The following CTNNA3 variants were observed in gnomAD, a reference collection of about 807,000 sequenced individuals.
The protein encoded by CTNNA3 is catenin alpha-3.
A neutral mutation model predicts 95.7 loss-of-function variants in CTNNA3; 76 were observed. The ratio of observed to expected loss-of-function variants is 0.79; its 90% confidence interval spans 0.66 to 0.96. The LOEUF (loss-of-function observed/expected upper bound fraction) is 0.96. Among genes scored for constraint, CTNNA3 ranks in the 40% least tolerant of loss-of-function variants. CTNNA3 has a pLI of 0.00. For missense variants in CTNNA3, 1,191 were observed against 1,089.8 expected (o/e 1.09, Z -1.31); for synonymous variants, 431 against 374.4 (o/e 1.15, Z -1.74).
At chr10:67,234,238 G>A (rs1865352747) in intron 5 of CTNNA3, among the ~76,000 whole-genome samples, 1 of 152,192 alleles carries the variant, frequency 6.6e-6, no homozygotes, top group South Asian at 2.1e-4. Context: ...CAATATCCTT[G>A]ATGAACATTG....
At chr10:65,948,081 T>G (rs2077547522) in intron 17 of CTNNA3, among the ~76,000 whole-genome samples, 1 of 152,044 alleles carries the variant, frequency 6.6e-6, no homozygotes, top group African/African-American at 2.4e-5. Flanking sequence ...ATCGAGATCA[T>G]CCTGGCTAAC....
In CTNNA3 at chr10:66,562,499, G is replaced by C. The variant is rs573174446; in HGVS notation, c.1375-41726C>G. On this transcript the variant is annotated intron_variant, in intron 10 of 17. Coordinates refer to ENST00000433211, the MANE Select transcript of CTNNA3 (RefSeq NM_013266.4). ...TCCTCCTCTATCCTTTACTCTTTGA[G>C]AGCCTATAATACAATCATGTGAGGA... Among the ~76,000 whole-genome samples, 187 of 152,064 alleles carry C rather than the reference G, an allele frequency of 1.2e-3. 1 individual carries two copies. Among genetic ancestry groups the C allele is most frequent in the African/African-American group, 4.2e-3 (176 of 41,508 alleles).
At chr10:67,277,760 A>G (rs1839240585) in intron 5 of CTNNA3, among the ~76,000 whole-genome samples, 1 of 152,168 alleles carries the variant, frequency 6.6e-6, no homozygotes, top group Non-Finnish European at 1.5e-5. Flanking sequence ...ATAATGCATT[A>G]GCATGCTAAA....
At chr10:67,464,091 A>G (rs142424179) in intron 5 of CTNNA3, among the ~76,000 whole-genome samples, 60 of 152,278 alleles carry the variant, frequency 3.9e-4, no homozygotes, top group African/African-American at 1.4e-3. Flanking sequence ...CCTAAAACAA[A>G]ACATTGAAAC....
intron 13 of CTNNA3, among the ~76,000 whole-genome samples, chr10:66,114,346 G>A (rs909060365): frequency 3.4e-4 from 51 of 151,602 alleles, no homozygotes; most frequent in Admixed American, 3.0e-3. Flanking sequence ...ATTGTTAACT[G>A]AATATCTGTA....
chr10:66,297,947 A>C (rs2091805577), intron 12 of CTNNA3, among the ~76,000 whole-genome samples: 1 of 152,184 alleles, frequency 6.6e-6, no homozygotes, highest in Admixed American at 6.5e-5. Context: ...TGGCTTTCAG[A>C]ATTTAGGCAG....
At chr10:66,153,227 T>C (rs987552408) in intron 13 of CTNNA3, among the ~76,000 whole-genome samples, 1 of 151,984 alleles carries the variant, frequency 6.6e-6, no homozygotes, top group African/African-American at 2.4e-5. Context: ...ATTAAGTTTA[T>C]TTTATTAAGC....
chr10:67,297,855 C>G (rs1408671894), intron 5 of CTNNA3, among the ~76,000 whole-genome samples: 1 of 152,168 alleles, frequency 6.6e-6, no homozygotes, highest in Non-Finnish European at 1.5e-5. Flanking sequence ...CAGAAGCAAG[C>G]CAGAAAAACT....
chr10:66,435,606 T>C (rs796822247), intron 11 of CTNNA3, among the ~76,000 whole-genome samples: 4 of 152,296 alleles, frequency 2.6e-5, no homozygotes, highest in African/African-American at 9.6e-5. Flanking sequence ...TCTATCTGTT[T>C]TGTTGATGTT....
At chr10:66,282,031 T>C (rs1013298101) in intron 12 of CTNNA3, among the ~76,000 whole-genome samples, 3 of 151,870 alleles carry the variant, frequency 2.0e-5, no homozygotes, top group African/African-American at 7.2e-5. Flanking sequence ...CTCATCCCAT[T>C]TCAACTGCTT....
intron 11 of CTNNA3, among the ~76,000 whole-genome samples, chr10:66,397,867 A>T (rs144967552): frequency 2.7e-4 from 41 of 151,842 alleles, no homozygotes; most frequent in African/African-American, 9.4e-4. Context: ...TATGAAAATA[A>T]TTTTTTAAAA....
intron 7 of CTNNA3, among the ~76,000 whole-genome samples, chr10:67,043,698 A>G (rs1173735014): frequency 6.6e-6 from 1 of 152,118 alleles, no homozygotes; most frequent in African/African-American, 2.4e-5. Flanking sequence ...TGCTCCTAAA[A>G]AGGAATCATC....
chr10:66,659,517 T>C (rs1846184418), intron 9 of CTNNA3, among the ~76,000 whole-genome samples: 1 of 152,188 alleles, frequency 6.6e-6, no homozygotes, highest in Non-Finnish European at 1.5e-5. Flanking sequence ...ACAAGGAATA[T>C]TTAAATGCCG....
At chr10:67,527,066 G>A (rs7069377) in intron 4 of CTNNA3, among the ~76,000 whole-genome samples, 8,764 of 152,190 alleles carry the variant, frequency 0.058, 272 homozygotes, top group South Asian at 0.13. Context: ...AGACCAGCCT[G>A]GCCAACATGG....
chr10:67,501,446 G>C (rs2133103989), intron 5 of CTNNA3, among the ~76,000 whole-genome samples: 1 of 152,180 alleles, frequency 6.6e-6, no homozygotes, highest in East Asian at 1.9e-4. Flanking sequence ...GTGTCTTGGG[G>C]TTGCTTTTCT....
intron 4 of CTNNA3, among the ~76,000 whole-genome samples, chr10:67,524,518 C>A (rs1840084453): frequency 6.6e-6 from 1 of 151,482 alleles, no homozygotes; most frequent in African/African-American, 2.4e-5. Flanking sequence ...TACATGATCA[C>A]AAGAATGTTT....
intron 5 of CTNNA3, among the ~76,000 whole-genome samples, chr10:67,390,291 A>C (rs1342696686): frequency 6.6e-6 from 1 of 152,198 alleles, no homozygotes; most frequent in Non-Finnish European, 1.5e-5. Context: ...ATGCAAATAA[A>C]CTAGAAAATC....
intron 10 of CTNNA3, among the ~76,000 whole-genome samples, chr10:66,530,030 C>T (rs1247045670): frequency 6.6e-6 from 1 of 152,122 alleles, no homozygotes; most frequent in Non-Finnish European, 1.5e-5. Flanking sequence ...GATGTATATA[C>T]TTCTCTTGAA....
intron 13 of CTNNA3, among the ~76,000 whole-genome samples, chr10:66,152,319 C>T (rs2084247583): frequency 6.6e-6 from 1 of 151,782 alleles, no homozygotes; most frequent in South Asian, 2.1e-4. Flanking sequence ...ACTGATAATA[C>T]AGATATTAAT....
Sources: gnomAD v4.1 joint callset for allele counts (sites outside exome capture counted in the v4.1 genomes callset) on GRCh38, gnomAD v4.1.1 for gene constraint, MANE v1.5 for transcripts, NCBI Gene and HGNC (gene_info 2026-07-23, HGNC 2026-07-21) for gene names.